Variants in KLF17 observed in about 807,000 individuals in gnomAD.
The protein encoded by KLF17 is KLF transcription factor 17.
A neutral mutation model predicts 34.2 loss-of-function variants in KLF17; 31 were observed. That is an observed-to-expected ratio of 0.91 (90% confidence interval 0.68 to 1.22). KLF17 has a LOEUF of 1.22. Among genes scored for constraint, KLF17 ranks in the 50% most tolerant of loss-of-function variants. The probability of loss-of-function intolerance (pLI) is 0.00; values close to 1 mark genes in which losing one functional copy is unlikely to be tolerated. For missense variants in KLF17, 478 were observed against 505.2 expected, an observed-to-expected ratio of 0.95 and a Z score of 0.52; for synonymous variants, 179 against 186.7, an observed-to-expected ratio of 0.96 and a Z score of 0.34.
chr1:44,066,323 G>C, the KLF17 span, among the ~76,000 whole-genome samples: 87,327 of 148,190 alleles, frequency 0.59, 25,644 homozygotes, highest in South Asian at 0.66. Flanking sequence ...TTCCTCAAAA[G>C]AAACAAACAA....
At chr1:44,117,456 T>TTTTA (rs1178593189), upstream of KLF17, 3 of 136,760 alleles carry the variant, frequency 2.2e-5, no homozygotes, top group Non-Finnish European at 4.8e-5. Flanking sequence ...TTTTATTTTA[T>TTTTA]TTTATTTTAT....
chr1:44,092,483 C>A, the KLF17 span, among the ~76,000 whole-genome samples: 1 of 151,958 alleles, frequency 6.6e-6, no homozygotes, highest in African/African-American at 2.4e-5. Flanking sequence ...AAATGAGAAC[C>A]AAAATAGTTC....
In KLF17 at chr1:44,133,383, A is replaced by G. The variant is rs1378704212; in HGVS notation, c.*146A>G. On this transcript the variant is annotated 3_prime_UTR_variant, in exon 4 of 4. Coordinates refer to ENST00000372299, the MANE Select transcript of KLF17 (RefSeq NM_173484.4). The stretch of plus-strand genomic sequence containing the variant: ...GAGCGCAACAAGGCTGTGGAGACCC[A>G]TGGTGAGGAGCATGGAGTTAACTAA... The G allele has an allele frequency of 2.6e-5, 4 of 152,272 alleles. No homozygotes were observed. The highest frequency in any genetic ancestry group is 9.7e-5 in the African/African-American group (4 of 41,446). 9.4% of individuals were successfully genotyped at this position (152,272 alleles called of 1,614,324 possible).
chr1:44,118,677 C>T (rs547005841), upstream of KLF17, among the ~76,000 whole-genome samples: 1 of 144,182 alleles, frequency 6.9e-6, no homozygotes, highest in Admixed American at 6.8e-5. Flanking sequence ...GGCTGGCTGT[C>T]CGTGAGGCTG....
the KLF17 span, among the ~76,000 whole-genome samples, chr1:44,078,685 C>T: frequency 6.6e-6 from 1 of 152,134 alleles, no homozygotes; most frequent in Non-Finnish European, 1.5e-5. Flanking sequence ...ATCTGCCCAC[C>T]TCGGCCTCCC....
the KLF17 span, among the ~76,000 whole-genome samples, chr1:44,070,450 G>A: frequency 1.3e-5 from 2 of 152,024 alleles, no homozygotes; most frequent in African/African-American, 4.8e-5. Context: ...CGTGGTATTT[G>A]TTTTTCTGTG....
At chr1:44,068,052 G>A in the KLF17 span, among the ~76,000 whole-genome samples, 19,628 of 151,912 alleles carry the variant, frequency 0.13, 1,484 homozygotes, top group African/African-American at 0.21. Flanking sequence ...TTGAGACAGA[G>A]TTTGCTTTGT....
At chr1:44,098,485 TTTA>T in the KLF17 span, among the ~76,000 whole-genome samples, 23 of 151,024 alleles carry the variant, frequency 1.5e-4, no homozygotes, top group African/African-American at 5.6e-4. Flanking sequence ...TATTATTTTT[TTTA>T]AAAAAGATTA....
chr1:44,071,196 G>A, the KLF17 span, among the ~76,000 whole-genome samples: 3 of 152,100 alleles, frequency 2.0e-5, no homozygotes, highest in Non-Finnish European at 4.4e-5. Flanking sequence ...AGCTCTCCTG[G>A]TTCCCTTCCA....
intron 3 of KLF17, among the ~76,000 whole-genome samples, chr1:44,132,108 C>T (rs1483666316): frequency 6.6e-6 from 1 of 152,018 alleles, no homozygotes; most frequent in Non-Finnish European, 1.5e-5. Context: ...AGTCTTGAGA[C>T]TAGCCTGGCT....
At chr1:44,096,769 A>G in the KLF17 span, among the ~76,000 whole-genome samples, 1 of 152,254 alleles carries the variant, frequency 6.6e-6, no homozygotes, top group East Asian at 1.9e-4. Context: ...ATAGATTGCA[A>G]AAAAGTTCTC....
chr1:44,126,715 A>G (rs1284102616), intron 1 of KLF17, among the ~76,000 whole-genome samples: 1 of 152,148 alleles, frequency 6.6e-6, no homozygotes, highest in East Asian at 1.9e-4. Context: ...TGGAGTCAGG[A>G]AATTCTTGGT....
the KLF17 span, among the ~76,000 whole-genome samples, chr1:44,083,542 A>C: frequency 6.6e-6 from 1 of 152,108 alleles, no homozygotes; most frequent in Non-Finnish European, 1.5e-5. Flanking sequence ...CACGCCTGTA[A>C]TCCCAGTGCT....
chr1:44,060,161 C>A, the KLF17 span, among the ~76,000 whole-genome samples: 6 of 152,160 alleles, frequency 3.9e-5, 1 homozygote, highest in African/African-American at 1.4e-4. Flanking sequence ...TTAGGAGCAG[C>A]CTTCTGTATA....
the KLF17 span, among the ~76,000 whole-genome samples, chr1:44,105,902 G>A: frequency 1.3e-5 from 2 of 152,102 alleles, no homozygotes; most frequent in Admixed American, 6.6e-5. Context: ...AGTGGCTCAC[G>A]CCTGTAATCT....
At position 44,135,015 on chromosome 1, in the gene KLF17, G is replaced by A. The variant is rs1209053041; in HGVS notation, c.*1778G>A. Reference sequence around the variant, plus strand: ...TTTAATAATAAATGCACTCATGTTAGGAAGGTCAAAAAAAAGGAAAAAAGA... The same window carrying A: ...TTTAATAATAAATGCACTCATGTTAAGAAGGTCAAAAAAAAGGAAAAAAGA... On this transcript the variant is annotated 3_prime_UTR_variant, in exon 4 of 4. Transcript: ENST00000372299. The A allele has an allele frequency of 2.0e-5, 3 of 151,602 alleles. No homozygotes were observed. Among genetic ancestry groups the A allele is most frequent in the Non-Finnish European group, 4.4e-5 (3 of 67,904 alleles). 9.4% of individuals were successfully genotyped at this position (151,602 alleles called of 1,614,324 possible). A position where few individuals can be genotyped will look rare whatever the true frequency, so the allele number is the denominator to read the frequency against.
Position 44,129,828 on chromosome 1 carries a change from C to T in KLF17, c.557C>T (p.Pro186Leu), listed in dbSNP as rs752836277. The change falls in exon 2 of 4, where the codon CCT becomes CTT. Residue 186 changes from proline to leucine, a missense_variant. Transcript: ENST00000372299. ...CCTTACCCTGGCCTCTCGACAGTAC[C>T]TTCTGACGAAACATTGTTGGGCCCG... Reference protein sequence around the residue: ...PVPYPGLSTVPSDETLLGPTV... With the variant: ...PVPYPGLSTVLSDETLLGPTV... 3.1e-6 allele frequency: 5 copies of T among 1,614,066 alleles called. No individual in the cohort carries two copies. Among genetic ancestry groups the T allele is most frequent in the Non-Finnish European group, 4.2e-6 (5 of 1,180,048 alleles).
the KLF17 span, among the ~76,000 whole-genome samples, chr1:44,055,957 A>C: frequency 6.6e-6 from 1 of 152,300 alleles, no homozygotes; most frequent in South Asian, 2.1e-4. Context: ...ATATTTACCC[A>C]TGTCTCTGAA....
chr1:44,111,463 G>GTTTTTTT, the KLF17 span, among the ~76,000 whole-genome samples: 2 of 90,472 alleles, frequency 2.2e-5, no homozygotes, highest in South Asian at 4.0e-4. Flanking sequence ...TTTGCAACTT[G>GTTTTTTT]TTTTTTTTTT....
Sources: allele counts gnomAD v4.1 joint callset (sites outside exome capture counted in the v4.1 genomes callset), GRCh38; gene constraint gnomAD v4.1.1; transcripts MANE v1.5; gene names NCBI Gene and HGNC (gene_info 2026-07-23, HGNC 2026-07-21).